The following FGFR2 variants were observed in gnomAD, a reference collection of about 807,000 sequenced individuals.
FGFR2 encodes the protein BEK fibroblast growth factor receptor.
A neutral mutation model predicts 95.9 loss-of-function variants in FGFR2; 19 were observed. The ratio of observed to expected loss-of-function variants is 0.20; its 90% CI spans 0.14 to 0.29. The LOEUF (loss-of-function observed/expected upper bound fraction) is 0.29, where lower values mean the gene tolerates loss of function less well. Among genes scored for constraint, FGFR2 ranks in the 10% least tolerant of loss-of-function variants. The pLI, the probability that FGFR2 is intolerant of heterozygous loss-of-function variation, is 1.00. For missense variants in FGFR2, 707 were observed against 1,056.9 expected, an observed-to-expected ratio of 0.67 and a Z score of 4.59; for synonymous variants, 392 against 393.3, an observed-to-expected ratio of 1.00 and a Z score of 0.04.
intron 6 of FGFR2, among the ~76,000 whole-genome samples, chr10:121,536,766 C>T (rs370529229): frequency 3.3e-5 from 5 of 152,184 alleles, no homozygotes; most frequent in African/African-American, 4.8e-5. Context: ...TCTGACTCCA[C>T]GATGCCTAGA....
chr10:121,529,568 A>G (rs1246807710), intron 6 of FGFR2, among the ~76,000 whole-genome samples: 2 of 152,246 alleles, frequency 1.3e-5, no homozygotes, highest in Non-Finnish European at 2.9e-5. Context: ...AAAGACCACA[A>G]TCTCCCTGAT....
At chr10:121,511,887 C>T (rs370937972) in intron 9 of FGFR2, among the ~76,000 whole-genome samples, 1 of 152,176 alleles carries the variant, frequency 6.6e-6, no homozygotes, top group Non-Finnish European at 1.5e-5. Flanking sequence ...TAAACTGAAA[C>T]GTCTGTGTTA....
At chr10:121,580,655 CTT>C (rs1049493684) in intron 2 of FGFR2, among the ~76,000 whole-genome samples, 55 of 152,178 alleles carry the variant, frequency 3.6e-4, no homozygotes, top group African/African-American at 1.3e-3. Context: ...ACAGGGATCA[CTT>C]TTCTCCTGTG....
At chr10:121,560,636 A>AG (rs1216966472) in intron 4 of FGFR2, among the ~76,000 whole-genome samples, 1 of 149,510 alleles carries the variant, frequency 6.7e-6, no homozygotes, top group East Asian at 1.9e-4. Flanking sequence ...AAAAAAAAAA[A>AG]AAAAAGAGGC....
intron 6 of FGFR2, among the ~76,000 whole-genome samples, chr10:121,537,060 T>C: frequency 6.6e-6 from 1 of 152,220 alleles, no homozygotes; most frequent in East Asian, 1.9e-4. Context: ...TCTTCTCAAA[T>C]TTGAGTGTTA....
chr10:121,592,834 TG>T (rs1287959999), intron 2 of FGFR2, among the ~76,000 whole-genome samples: 4 of 152,200 alleles, frequency 2.6e-5, no homozygotes, highest in Non-Finnish European at 5.9e-5. Context: ...CGATGAGTGC[TG>T]GGATCTGCCG....
chr10:121,487,530 T>C lies in FGFR2; in HGVS notation c.1987-106A>G, dbSNP rs2981460. ...TTTAAGAGCTGATATTCTCGGTTTT[T>C]ACTAGTCAGTCAATAGAGCAGAAAT... On this transcript the variant is annotated intron_variant, in intron 14 of 17. Coordinates refer to ENST00000358487, the MANE Select transcript of FGFR2 (RefSeq NM_000141.5). 688,261 of 941,058 alleles carry C rather than the reference T, an allele frequency of 0.73. 256,270 individuals carry two copies. The highest frequency in any genetic ancestry group is 0.8 in the Admixed American group (39,383 of 49,510). 58.3% of individuals were successfully genotyped at this position (941,058 alleles called of 1,614,324 possible).
chr10:121,515,237 G>C lies in FGFR2; in HGVS notation c.1167C>G (p.Ala389=), dbSNP rs757648006. The C allele has an allele frequency of 3.7e-6, 6 of 1,614,028 alleles. No homozygotes were observed. Among genetic ancestry groups the C allele is most frequent in the Admixed American group, 1.7e-5 (1 of 59,994 alleles). Residue 389 remains alanine, a synonymous_variant, in exon 9 of 18, where the codon GCC becomes GCG. Coordinates refer to ENST00000358487, the MANE Select transcript of FGFR2 (RefSeq NM_000141.5). Reference sequence around the variant, plus strand: ...ACAGGATGACTGTTACCACCATACAGGCGATTAAGAAGACCCCTATGCAGT... The same window carrying C: ...ACAGGATGACTGTTACCACCATACACGCGATTAAGAAGACCCCTATGCAGT... ...AIYCIGVFLI[A]CMVVTVILCR...
chr10:121,535,681 G>A (rs961068470), intron 6 of FGFR2, among the ~76,000 whole-genome samples: 1 of 152,192 alleles, frequency 6.6e-6, no homozygotes, highest in African/African-American at 2.4e-5. Context: ...AAAACGTGGA[G>A]CATCACACTA....
intron 4 of FGFR2, among the ~76,000 whole-genome samples, chr10:121,560,517 A>G (rs1856791234): frequency 6.9e-6 from 1 of 145,928 alleles, no homozygotes; most frequent in South Asian, 2.3e-4. Context: ...CGGGAGGCTG[A>G]GGCAGGAGAA....
At position 121,522,847 on chromosome 10, in the gene FGFR2, T is replaced by TA. The variant is rs1312916816; in HGVS notation, c.749-2679dup. ...GTACCACTACCCTAACCTCCAGTGTTAAAAAACAACTGAGGGAAATGAGGA... is the reference window on the plus strand; with the variant it reads ...GTACCACTACCCTAACCTCCAGTGTTAAAAAAACAACTGAGGGAAATGAGGA... On this transcript the variant is annotated intron_variant, in intron 6 of 17. Transcript: ENST00000358487. 2.0e-5 allele frequency among the ~76,000 whole-genome samples: 3 copies of TA among 152,242 alleles called. No homozygotes were observed. The South Asian group carries it at 6.2e-4, about 32-fold the overall frequency.
chr10:121,556,396 A>ACTCTCTCTCTCTCTCTCTCTCTCTCTCT (rs35668561), intron 4 of FGFR2, among the ~76,000 whole-genome samples: 3 of 128,140 alleles, frequency 2.3e-5, no homozygotes, highest in Admixed American at 7.6e-5. Flanking sequence ...TTTATAATCT[A>ACTCTCTCTCTCTCTCTCTCTCTCTCTCT]CTCTCTCTCT....
At chr10:121,491,397 A>G (rs1280530962) in intron 13 of FGFR2, among the ~76,000 whole-genome samples, 1 of 152,134 alleles carries the variant, frequency 6.6e-6, no homozygotes, top group Non-Finnish European at 1.5e-5. Flanking sequence ...GCCCTGGGAC[A>G]GTTTGGTGTT....
At chr10:121,565,240 T>G (rs1857504640) in intron 3 of FGFR2, among the ~76,000 whole-genome samples, 198 bp downstream of exon 3, 2 of 151,716 alleles carry the variant, frequency 1.3e-5, no homozygotes, top group Non-Finnish European at 2.9e-5. Flanking sequence ...AGAAAAATGT[T>G]ACTTTGTGCA....
intron 5 of FGFR2, among the ~76,000 whole-genome samples, chr10:121,545,314 G>A (rs1854339687): frequency 6.6e-6 from 1 of 152,152 alleles, no homozygotes; most frequent in Admixed American, 6.5e-5. Context: ...TACAAAACAC[G>A]GAACTACATT....
At chr10:121,496,478 T>C (rs1846826034) in intron 13 of FGFR2, 54 bp downstream of exon 13, 1 of 1,580,000 alleles carries the variant, frequency 6.3e-7, no homozygotes, top group Non-Finnish European at 8.7e-7. Flanking sequence ...CTGTTTTCTT[T>C]AAAGACATTT....
In FGFR2 at chr10:121,483,817, A is replaced by G. The variant is rs1845068451; in HGVS notation, c.2196-14T>C. 1.1e-5 allele frequency: 18 copies of G among 1,590,302 alleles called. No individual in the cohort carries two copies. In the South Asian group the frequency reaches 1.7e-4, roughly 15 times the overall value. ...ATCATCATGTACCTGGGAAAAATGG[A>G]TTTCCTTGAATTAATTTCATATGCA... On this transcript the variant is annotated splice_polypyrimidine_tract_variant and intron_variant, in intron 16 of 17. Coordinates refer to ENST00000358487, the MANE Select transcript of FGFR2 (RefSeq NM_000141.5).
intron 6 of FGFR2, among the ~76,000 whole-genome samples, chr10:121,524,146 A>ACACACACC (rs142755962): frequency 1.6e-3 from 223 of 136,942 alleles, no homozygotes; most frequent in Admixed American, 2.3e-3. Context: ...ACACACACAC[A>ACACACACC]CCCCAAGTTT....
At chr10:121,580,952 GCAT>G (rs1860756896) in intron 2 of FGFR2, among the ~76,000 whole-genome samples, 1 of 152,176 alleles carries the variant, frequency 6.6e-6, no homozygotes, top group Non-Finnish European at 1.5e-5. Context: ...CTGGGACAGG[GCAT>G]CCCCCAGGCG....
Sources: gnomAD v4.1 joint callset for allele counts (sites outside exome capture counted in the v4.1 genomes callset) on GRCh38, gnomAD v4.1.1 for gene constraint, MANE v1.5 for transcripts, NCBI Gene and HGNC (gene_info 2026-07-23, HGNC 2026-07-21) for gene names.